Variants in KDM4C observed in about 807,000 individuals in gnomAD.
KDM4C encodes the protein lysine demethylase 4C.
A neutral mutation model predicts 129.3 loss-of-function variants in KDM4C; 81 were observed. The observed-to-expected ratio is 0.63, with a 90% CI of 0.52 to 0.75. KDM4C has a LOEUF of 0.75. KDM4C is among the 30% of genes least tolerant of loss of function. The pLI is 0.00. For missense variants in KDM4C, 1,457 were observed against 1,304.0 expected (o/e 1.12, Z -1.81); for synonymous variants, 573 against 456.1 (o/e 1.26, Z -3.26).
chr9:7,036,166 A>G (rs1402705094), intron 15 of KDM4C, among the ~76,000 whole-genome samples: 1 of 151,552 alleles, frequency 6.6e-6, no homozygotes, highest in Non-Finnish European at 1.5e-5. Context: ...TTCTTTCTTC[A>G]TTTTTTTATA....
At chr9:7,099,868 T>TA (rs1170577348) in intron 17 of KDM4C, among the ~76,000 whole-genome samples, 6 of 152,162 alleles carry the variant, frequency 3.9e-5, no homozygotes, top group Non-Finnish European at 8.8e-5. Context: ...CTGCAGAACA[T>TA]ACACTTTTCA....
chr9:7,047,534 A>G (rs1334616078), intron 16 of KDM4C, among the ~76,000 whole-genome samples: 5 of 151,646 alleles, frequency 3.3e-5, no homozygotes, highest in African/African-American at 1.2e-4. Context: ...TTTTTTCATG[A>G]CCAGGTTTTA....
At chr9:6,940,400 C>T (rs537050850) in intron 8 of KDM4C, among the ~76,000 whole-genome samples, 15 of 152,232 alleles carry the variant, frequency 9.9e-5, no homozygotes, top group African/African-American at 2.9e-4. Flanking sequence ...AATTATTGCC[C>T]GCTGTTGTCA....
At chr9:6,991,458 A>G (rs1241256857) in intron 12 of KDM4C, among the ~76,000 whole-genome samples, 8 of 151,858 alleles carry the variant, frequency 5.3e-5, no homozygotes, top group African/African-American at 1.2e-4. Flanking sequence ...CCTGATTCGT[A>G]AGTGTCTTGT....
intron 1 of KDM4C, among the ~76,000 whole-genome samples, chr9:6,724,732 T>C (rs1462828122): frequency 2.6e-5 from 4 of 152,140 alleles, no homozygotes; most frequent in Non-Finnish European, 5.9e-5. Flanking sequence ...GGTTTCACCA[T>C]GTTGTACAGG....
intron 12 of KDM4C, among the ~76,000 whole-genome samples, chr9:6,993,848 A>C (rs2760660): frequency 0.67 from 101,400 of 152,060 alleles, 34,206 homozygotes; most frequent in Middle Eastern, 0.71. Flanking sequence ...GTACAGGTTA[A>C]ATGCTCAATT....
chr9:7,079,242 T>G (rs1331090482), intron 17 of KDM4C, among the ~76,000 whole-genome samples: 2 of 152,184 alleles, frequency 1.3e-5, no homozygotes, highest in African/African-American at 4.8e-5. Context: ...GAAATATTCT[T>G]TAGTGCCAAA....
At chr9:6,923,312 A>G (rs943703021) in intron 8 of KDM4C, among the ~76,000 whole-genome samples, 1 of 151,946 alleles carries the variant, frequency 6.6e-6, no homozygotes, top group Non-Finnish European at 1.5e-5. Flanking sequence ...GGCTATTGTG[A>G]CTAATAATTG....
intron 8 of KDM4C, chr9:6,902,795 T>C (rs1817628404): frequency 6.6e-6 from 1 of 152,172 alleles, no homozygotes; most frequent in Admixed American, 6.5e-5. Context: ...ATTAGATAGT[T>C]TTACTGACTT....
chr9:7,056,665 T>G (rs1352515174), intron 17 of KDM4C, among the ~76,000 whole-genome samples: 1 of 152,242 alleles, frequency 6.6e-6, no homozygotes, highest in Admixed American at 6.5e-5. Flanking sequence ...ATTTTCAGTT[T>G]TGAAGTCATT....
At chr9:7,012,847 A>G (rs1049737205) in intron 13 of KDM4C, among the ~76,000 whole-genome samples, 4 of 152,194 alleles carry the variant, frequency 2.6e-5, no homozygotes, top group African/African-American at 9.6e-5. Flanking sequence ...TTATAGAAAC[A>G]AATATTTTAT....
intron 1 of KDM4C, among the ~76,000 whole-genome samples, chr9:6,781,281 A>T (rs569984906): frequency 1.3e-5 from 2 of 152,182 alleles, no homozygotes; most frequent in African/African-American, 4.8e-5. Flanking sequence ...TGAACTAGTA[A>T]ATACTGAAAT....
At chr9:6,898,841 C>A (rs972867690) in intron 8 of KDM4C, among the ~76,000 whole-genome samples, 2 of 152,118 alleles carry the variant, frequency 1.3e-5, no homozygotes, top group Non-Finnish European at 2.9e-5. Context: ...AATCAGGGAT[C>A]ATTTTTGTGG....
At chr9:6,934,733 A>AT (rs1206761831) in intron 8 of KDM4C, among the ~76,000 whole-genome samples, 3 of 152,146 alleles carry the variant, frequency 2.0e-5, no homozygotes, top group Non-Finnish European at 4.4e-5. Context: ...AAGTGCTGAG[A>AT]TTGCAGGCGT....
At chr9:7,084,788 T>G (rs77604979) in intron 17 of KDM4C, among the ~76,000 whole-genome samples, 1 of 152,214 alleles carries the variant, frequency 6.6e-6, no homozygotes, top group East Asian at 1.9e-4. Context: ...TCTACAAATA[T>G]TGAATGGGCA....
chr9:6,772,339 G>A (rs998328071), intron 1 of KDM4C, among the ~76,000 whole-genome samples: 28 of 151,192 alleles, frequency 1.9e-4, no homozygotes, highest in African/African-American at 6.6e-4. Context: ...AGTAGAGACG[G>A]GGTTTCACCA....
chr9:6,965,307 T>C (rs1166984372), intron 8 of KDM4C, among the ~76,000 whole-genome samples: 2 of 151,076 alleles, frequency 1.3e-5, no homozygotes, highest in Admixed American at 6.6e-5. Flanking sequence ...ATATATATAT[T>C]TGGATATATT....
intron 5 of KDM4C, among the ~76,000 whole-genome samples, chr9:6,878,795 C>CCCCACACCCACA (rs372211631): frequency 2.0e-5 from 3 of 151,404 alleles, no homozygotes; most frequent in South Asian, 4.2e-4. Context: ...AGGGACATAC[C>CCCCACACCCACA]CCCACACCCA....
chr9:6,769,206 GTT>G (rs933564971), intron 1 of KDM4C, among the ~76,000 whole-genome samples: 1 of 148,154 alleles, frequency 6.7e-6, no homozygotes, highest in Admixed American at 6.8e-5. Context: ...TAAGCTTGCT[GTT>G]TTTTTTTTCC....
Sources: allele counts gnomAD v4.1 joint callset (sites outside exome capture counted in the v4.1 genomes callset), GRCh38; gene constraint gnomAD v4.1.1; transcripts MANE v1.5; gene names NCBI Gene and HGNC (gene_info 2026-07-23, HGNC 2026-07-21).